PHIP: variants seen among roughly 807,000 people sequenced by gnomAD.
PHIP encodes the protein PH-interacting protein.
PHIP carries 54 observed loss-of-function variants against 236.8 expected under a neutral mutation model. The ratio of observed to expected loss-of-function variants is 0.23; its 90% CI spans 0.18 to 0.29. The LOEUF (loss-of-function observed/expected upper bound fraction) is 0.29. Among genes scored for constraint, PHIP ranks in the 10% least tolerant of loss-of-function variants. PHIP has a pLI of 1.00. For synonymous variants in PHIP, 756 were observed against 718.9 expected, an observed-to-expected ratio of 1.05 and a Z score of -0.83; for missense variants, 1,370 against 2,190.8, an observed-to-expected ratio of 0.63 and a Z score of 7.48.
At chr6:79,041,946 T>G (rs888683092) in intron 7 of PHIP, among the ~76,000 whole-genome samples, 2 of 152,010 alleles carry the variant, frequency 1.3e-5, no homozygotes, top group African/African-American at 2.4e-5. Flanking sequence ...ACAAGCAAAT[T>G]TACTAAAAAG....
intron 29 of PHIP, among the ~76,000 whole-genome samples, chr6:78,963,839 G>C (rs1207636121): frequency 6.6e-6 from 1 of 152,168 alleles, no homozygotes; most frequent in African/African-American, 2.4e-5. Flanking sequence ...TTTTCCTTTA[G>C]ACTAAGTTTT....
intron 39 of PHIP, among the ~76,000 whole-genome samples, chr6:78,941,866 T>C (rs1032574632): frequency 1.6e-4 from 25 of 152,238 alleles, no homozygotes; most frequent in Admixed American, 1.5e-3. Context: ...ACAAACTCCA[T>C]GATAAAAGGC....
chr6:78,967,407 A>G (rs1229469742), intron 27 of PHIP, among the ~76,000 whole-genome samples: 1 of 152,228 alleles, frequency 6.6e-6, no homozygotes, highest in East Asian at 1.9e-4. Context: ...ATTATGCTAA[A>G]GAGGAAGGAC....
At chr6:78,988,572 A>T (rs1213716779) in intron 20 of PHIP, among the ~76,000 whole-genome samples, 1 of 152,140 alleles carries the variant, frequency 6.6e-6, no homozygotes, top group Non-Finnish European at 1.5e-5. Flanking sequence ...GAGACAATTT[A>T]TCCTAACATA....
chr6:78,970,979 A>G, intron 24 of PHIP, 91 bp from the exon 25 acceptor site: 3 of 799,128 alleles, frequency 3.8e-6, no homozygotes, highest in Non-Finnish European at 6.0e-6. Flanking sequence ...GAGAAAATCT[A>G]ATGCCTTTTC....
chr6:79,043,925 T>A (rs968338111), intron 6 of PHIP, among the ~76,000 whole-genome samples: 1 of 151,476 alleles, frequency 6.6e-6, no homozygotes, highest in Non-Finnish European at 1.5e-5. Context: ...ACTAAATATA[T>A]ATACAAAATA....
At chr6:79,059,946 G>C (rs1016822574) in intron 6 of PHIP, among the ~76,000 whole-genome samples, 18 of 152,018 alleles carry the variant, frequency 1.2e-4, no homozygotes, top group Non-Finnish European at 2.9e-5. Flanking sequence ...GAGAGAGATA[G>C]AAGACACCAT....
At chr6:79,066,614 C>G (rs1367239995) in intron 4 of PHIP, among the ~76,000 whole-genome samples, 1 of 152,074 alleles carries the variant, frequency 6.6e-6, no homozygotes, top group Non-Finnish European at 1.5e-5. Context: ...AAAAGAGAAA[C>G]ATTTCACAGT....
chr6:78,955,855 ACT>A (rs1766386405), intron 32 of PHIP, 173 bp from the exon 33 acceptor site: 1 of 376,650 alleles, frequency 2.7e-6, no homozygotes, highest in African/African-American at 2.1e-5. Flanking sequence ...TGACCCCTCC[ACT>A]CTATGTAGAG....
Position 78,997,574 on chromosome 6 carries a change from C to T in PHIP, c.2041G>A (p.Val681Ile), listed in dbSNP as rs753967999. 2.5e-6 allele frequency: 4 copies of T among 1,613,494 alleles called. No individual in the cohort carries two copies. Among genetic ancestry groups the T allele is most frequent in the Non-Finnish European group, 3.4e-6 (4 of 1,179,624 alleles). Residue 681 changes from valine to isoleucine, a missense_variant, in exon 19 of 40, where the codon GTT becomes ATT. Coordinates refer to ENST00000275034, the MANE Select transcript of PHIP (RefSeq NM_017934.7). ...AGTCCTACGTTTGGTGGTGAATGAA[C>T]CTCTGAGGTAGAACTTATGGAGCCT... Reference protein sequence around the residue: ...SRGSISSTSEVHSPPNVGLRR... With the variant: ...SRGSISSTSEIHSPPNVGLRR...
At chr6:79,036,153 T>C (rs1290861465) in intron 7 of PHIP, among the ~76,000 whole-genome samples, 1 of 152,222 alleles carries the variant, frequency 6.6e-6, no homozygotes, top group Non-Finnish European at 1.5e-5. Context: ...TGCCAAGCTT[T>C]ATCAGTAATT....
chr6:79,033,856 C>T (rs576047292), intron 7 of PHIP, among the ~76,000 whole-genome samples: 2 of 152,224 alleles, frequency 1.3e-5, no homozygotes, highest in East Asian at 1.9e-4. Flanking sequence ...AAGTGAGAGA[C>T]CTGAGACTCT....
At chr6:78,969,389 C>T (rs1767371886) in intron 27 of PHIP, among the ~76,000 whole-genome samples, 1 of 152,018 alleles carries the variant, frequency 6.6e-6, no homozygotes, top group African/African-American at 2.4e-5. Context: ...ACCTTAAGTG[C>T]CTGAAAACTT....
At position 78,963,124 on chromosome 6, in the gene PHIP, C is replaced by T. The variant is rs757264232; in HGVS notation, c.3508G>A (p.Ala1170Thr). Residue 1170 changes from alanine (A) to threonine (T), a missense_variant, in exon 30 of 40, where the codon GCA becomes ACA. By Grantham distance (58) the Ala-to-Thr change is moderately conservative. Transcript: ENST00000275034. ...AGTGTCATCAACTGGTTTATTCCTGCCACAATTCTTTCACATTCTTCATCC... is the reference window on the plus strand; with the variant it reads ...AGTGTCATCAACTGGTTTATTCCTGTCACAATTCTTTCACATTCTTCATCC... ...PRDEECERIV[A>T]GINQLMTLDI... 3.1e-6 allele frequency: 5 copies of T among 1,606,118 alleles called. No homozygotes were observed. The highest frequency in any genetic ancestry group is 1.1e-5 in the South Asian group (1 of 89,710).
intron 6 of PHIP, among the ~76,000 whole-genome samples, chr6:79,054,504 G>A (rs1334318490): frequency 6.6e-6 from 1 of 151,342 alleles, no homozygotes; most frequent in Non-Finnish European, 1.5e-5. Flanking sequence ...AATAAAGTAT[G>A]GATTGAGTAA....
At chr6:78,998,716 C>T (rs548312207) in intron 17 of PHIP, among the ~76,000 whole-genome samples, 1 of 152,146 alleles carries the variant, frequency 6.6e-6, no homozygotes. Context: ...AATAACTGTT[C>T]GAAGTCACAT....
At position 79,002,025 on chromosome 6, in the gene PHIP, T is replaced by A; in HGVS notation, c.1753A>T (p.Met585Leu). 6.2e-7 allele frequency: 1 copy of A among 1,613,200 alleles called. No individual in the cohort carries two copies. The highest frequency in any genetic ancestry group is 8.5e-7 in the Non-Finnish European group (1 of 1,179,414). Residue 585 changes from methionine (M) to leucine (L), a missense_variant, in exon 17 of 40, where the codon ATG (methionine) becomes TTG (leucine). Met to Leu is a conservative substitution (Grantham distance 15, BLOSUM62 2). This residue lies in a region of PHIP where 133 missense variants were observed against 245.2 expected (regional missense o/e 0.54). Coordinates refer to ENST00000275034, the MANE Select transcript of PHIP (RefSeq NM_017934.7). ...DEQTQQAPHL[M>L]PPPFLVDVDG... is the part of the protein sequence containing the mutation. ...ACATCAACCAAAAAAGGGGGAGGCA[T>A]AAGATGAGGTGCTTGCTGAGTCTGT...
intron 24 of PHIP, among the ~76,000 whole-genome samples, chr6:78,977,830 T>C (rs1265746440): frequency 6.6e-6 from 1 of 152,200 alleles, no homozygotes; most frequent in African/African-American, 2.4e-5. Flanking sequence ...GACTGTTCTT[T>C]AGAATCACTC....
At chr6:79,017,247 G>A (rs1384394892) in intron 12 of PHIP, 99 bp downstream of exon 12, 1 of 673,440 alleles carries the variant, frequency 1.5e-6, no homozygotes, top group African/African-American at 1.8e-5. Flanking sequence ...CTTTTAGGTA[G>A]GTGATTATTT....
Sources: allele counts gnomAD v4.1 joint callset (sites outside exome capture counted in the v4.1 genomes callset), GRCh38; gene constraint gnomAD v4.1.1; regional missense constraint gnomAD v4.1.1; transcripts MANE v1.5; gene names NCBI Gene and HGNC (gene_info 2026-07-23, HGNC 2026-07-21).